Variants in NRDE2 observed in about 807,000 individuals in gnomAD.
NRDE2 encodes the protein NRDE-2, necessary for RNA interference, domain containing, also known as nuclear exosome regulator NRDE2.
A neutral mutation model predicts 124.2 loss-of-function variants in NRDE2; 76 were observed. That is an observed-to-expected ratio of 0.61 (90% CI 0.51 to 0.74). The LOEUF is 0.74. Ranked by LOEUF, NRDE2 falls within the 30% of genes least tolerant of loss-of-function variation. The probability of loss-of-function intolerance (pLI) is 0.00; values close to 1 mark genes in which losing one functional copy is unlikely to be tolerated. For synonymous variants in NRDE2, 489 were observed against 528.1 expected, an observed-to-expected ratio of 0.93 and a Z score of 1.01; for missense variants, 1,314 against 1,417.3, an observed-to-expected ratio of 0.93 and a Z score of 1.17.
At position 90,304,062 on chromosome 14, in the gene NRDE2, G is replaced by C; in HGVS notation, c.878C>G (p.Ser293Ter). The C allele has an allele frequency of 2.5e-6, 4 of 1,614,188 alleles. No homozygotes were observed. The highest frequency in any genetic ancestry group is 3.4e-6 in the Non-Finnish European group (4 of 1,180,016). Residue 293 changes from serine to a stop codon, truncating the protein, a stop_gained, in exon 5 of 14, where the codon TCA becomes TGA. Coordinates refer to ENST00000354366, the MANE Select transcript of NRDE2 (RefSeq NM_017970.4). LOFTEE classifies it high-confidence loss of function. ...GTCTGGCTGTGCGTCTGGCTGCTTT[G>C]ATTCCTGCTCTGGAGGACCCTGTCC... is the stretch of plus-strand genomic sequence containing the variant. ...LQGQGPPEQE[S>*]KQPDAQPDSE... is the part of the protein sequence containing the mutation.
rs771970071 is a variant in NRDE2 at position 90,269,594 on chromosome 14, A to G, written c.*8742T>C. 1 of 1,588,470 alleles carries G rather than the reference A, an allele frequency of 6.3e-7. No individual in the cohort carries two copies. The highest frequency in any genetic ancestry group is 8.6e-7 in the Non-Finnish European group (1 of 1,162,628). ...ATCATGGAGATTAATGTGTTTATATATTTGTGTTTAAGTGTGCTTTGGGAG... is the reference window on the plus strand; with the variant it reads ...ATCATGGAGATTAATGTGTTTATATGTTTGTGTTTAAGTGTGCTTTGGGAG... On this transcript the variant is annotated 3_prime_UTR_variant, in exon 14 of 14. Coordinates refer to ENST00000354366, the MANE Select transcript of NRDE2 (RefSeq NM_017970.4).
Position 90,272,238 on chromosome 14 carries a change from A to G in NRDE2, c.*6098T>C. 6.3e-7 allele frequency: 1 copy of G among 1,597,526 alleles called. No homozygotes were observed. The highest frequency in any genetic ancestry group is 8.5e-7 in the Non-Finnish European group (1 of 1,176,040). On this transcript the variant is annotated 3_prime_UTR_variant, in exon 14 of 14. Coordinates refer to ENST00000354366, the MANE Select transcript of NRDE2 (RefSeq NM_017970.4). This position sits in a 1 kb window ranked among gnomAD's most constrained non-coding sequence, Gnocchi z 4.5. Reference sequence around the variant, plus strand: ...ATTCCTTGTTAGAATAAAAATGAGTATGTCACTTTCTGAACACACTCTTCT... The same window carrying G: ...ATTCCTTGTTAGAATAAAAATGAGTGTGTCACTTTCTGAACACACTCTTCT...
At chr14:90,317,909 C>A (rs1056218117) in intron 2 of NRDE2, 96 bp downstream of exon 2, 1 of 779,526 alleles carries the variant, frequency 1.3e-6, no homozygotes, top group South Asian at 1.8e-5. Context: ...GTTTTACATA[C>A]CTCTTTTATT....
chr14:90,288,622 A>G lies in NRDE2; in HGVS notation c.2753T>C (p.Ile918Thr). The G allele has an allele frequency of 5.0e-6, 8 of 1,614,132 alleles. 1 individual carries two copies. Among genetic ancestry groups the G allele is most frequent in the South Asian group, 3.3e-5 (3 of 91,088 alleles). The stretch of plus-strand genomic sequence containing the variant: ...TATCTGCACAGCAGCATCAATCCCT[A>G]TGGTCAAATACTGGAAGAGCATGAA... ...KCFMLFQYLTIGIDAAVQIYE... is the reference protein window; with the variant it reads ...KCFMLFQYLTTGIDAAVQIYE... The change falls in exon 11 of 14, where the codon ATA becomes ACA. Residue 918 changes from isoleucine (I) to threonine (T), a missense_variant. By Grantham distance (89) the Ile-to-Thr change is moderately conservative. Transcript: ENST00000354366.
chr14:90,317,216 C>T (rs1885077252), intron 2 of NRDE2, among the ~76,000 whole-genome samples: 1 of 152,052 alleles, frequency 6.6e-6, no homozygotes, highest in South Asian at 2.1e-4. Context: ...GAGTTTGAGA[C>T]AAGCCTGGGC....
At chr14:90,293,314 A>G (rs1892325881) in intron 8 of NRDE2, among the ~76,000 whole-genome samples, 1 of 152,010 alleles carries the variant, frequency 6.6e-6, no homozygotes, top group Admixed American at 6.5e-5. Context: ...ACAGTGGCAC[A>G]ATCTCTGCAC....
rs752962048 is a variant in NRDE2 at position 90,292,872 on chromosome 14, T to C, written c.1667A>G (p.Asp556Gly). The change falls in exon 9 of 14, where the codon GAT (aspartate) becomes GGT (glycine). Residue 556 changes from aspartate (D) to glycine (G), a missense_variant and splice_region_variant. Asp to Gly is a moderately conservative substitution (Grantham distance 94, BLOSUM62 -1). Transcript: ENST00000354366. The stretch of plus-strand genomic sequence containing the variant: ...CTCTTCTGGTTCATCGTCATCCTCA[T>C]CTAGACAAGAATGAGACTTCTTCAC... ...ERGGWVVINP[D>G]EDDDEPEEDD... The C allele has an allele frequency of 1.2e-6, 2 of 1,612,124 alleles. No individual in the cohort carries two copies. Among genetic ancestry groups the C allele is most frequent in the Non-Finnish European group, 1.7e-6 (2 of 1,178,572 alleles).
chr14:90,302,705 T>C lies in NRDE2; in HGVS notation c.1411+15A>G, dbSNP rs747262171. The C allele has an allele frequency of 1.9e-6, 3 of 1,556,240 alleles. No homozygotes were observed. Among genetic ancestry groups the C allele is most frequent in the Non-Finnish European group, 2.6e-6 (3 of 1,151,728 alleles). On this transcript the variant is annotated intron_variant, in intron 6 of 13. Coordinates refer to ENST00000354366, the MANE Select transcript of NRDE2 (RefSeq NM_017970.4). Reference sequence around the variant, plus strand: ...CTAACTCCTCCCACGTAACTGGATCTGGTTATCTCCTTACCAAACATGGCC... The same window carrying C: ...CTAACTCCTCCCACGTAACTGGATCCGGTTATCTCCTTACCAAACATGGCC...
At chr14:90,320,738 T>G (rs1007775086) in intron 1 of NRDE2, among the ~76,000 whole-genome samples, 1 of 152,216 alleles carries the variant, frequency 6.6e-6, no homozygotes, top group African/African-American at 2.4e-5. Context: ...AGGTTCCAAC[T>G]TAAGTGCCTA....
In NRDE2 at chr14:90,274,838, A is replaced by ACACCCCCCCC. The variant is rs1491397403; in HGVS notation, c.*3497_*3498insGGGGGGGGTG. 3 of 67,184 alleles carry ACACCCCCCCC rather than the reference A, an allele frequency of 4.5e-5. No individual in the cohort carries two copies. The highest frequency in any genetic ancestry group is 9.6e-5 in the Non-Finnish European group (3 of 31,318). 4.2% of individuals were successfully genotyped at this position (67,184 alleles called of 1,614,324 possible). On this transcript the variant is annotated 3_prime_UTR_variant, in exon 14 of 14. Coordinates refer to ENST00000354366, the MANE Select transcript of NRDE2 (RefSeq NM_017970.4). ...CACACACACACACACACACACACAC[A>ACACCCCCCCC]CCCCAATACATATGAATTGATCTGA...
intron 1 of NRDE2, among the ~76,000 whole-genome samples, chr14:90,321,563 A>G (rs1885242709): frequency 6.6e-6 from 1 of 151,608 alleles, no homozygotes; most frequent in African/African-American, 2.4e-5. Flanking sequence ...AAAAAAAAAA[A>G]AAAAAGAAAA....
Position 90,276,109 on chromosome 14 carries a change from G to GT in NRDE2, c.*2226dup, listed in dbSNP as rs1891797136. 1.3e-5 allele frequency: 2 copies of GT among 151,846 alleles called. No individual in the cohort carries two copies. The highest frequency in any genetic ancestry group is 2.1e-4 in the South Asian group (1 of 4,822). 9.4% of individuals were successfully genotyped at this position (151,846 alleles called of 1,614,324 possible). A position where few individuals can be genotyped will look rare whatever the true frequency, so the allele number is the denominator to read the frequency against. ...TTCCTGATGAAACACATGAGCCACT[G>GT]TTTGACTCCAGCTGGGAACCCCCTT... On this transcript the variant is annotated 3_prime_UTR_variant, in exon 14 of 14. Transcript: ENST00000354366.
rs762211929 is a variant in NRDE2 at position 90,331,939 on chromosome 14, G to A, written c.-35C>T. 2 of 1,612,512 alleles carry A rather than the reference G, an allele frequency of 1.2e-6. No homozygotes were observed. The highest frequency in any genetic ancestry group is 2.2e-5 in the East Asian group (1 of 44,862). ...CCGTACCTCCGTTCTTCTCTATAGG[G>A]ATGGCGCCGGCGAGCGAGCGCCGGT... On this transcript the variant is annotated 5_prime_UTR_variant, in exon 1 of 14. Transcript: ENST00000354366.
chr14:90,306,204 C>T (rs1884595322), intron 4 of NRDE2, among the ~76,000 whole-genome samples: 1 of 152,170 alleles, frequency 6.6e-6, no homozygotes, highest in East Asian at 1.9e-4. Flanking sequence ...CAGGGGAGAA[C>T]TGCCTTCATC....
At chr14:90,314,297 C>G (rs1884961396) in intron 3 of NRDE2, among the ~76,000 whole-genome samples, 1 of 152,216 alleles carries the variant, frequency 6.6e-6, no homozygotes, top group Admixed American at 6.5e-5. Flanking sequence ...GAAAGACTCT[C>G]ACAATTCACT....
intron 8 of NRDE2, among the ~76,000 whole-genome samples, chr14:90,293,433 A>G (rs1468780101): frequency 6.6e-6 from 1 of 151,566 alleles, no homozygotes; most frequent in Non-Finnish European, 1.5e-5. Context: ...TGTATTTGGT[A>G]GAGATGGGGT....
chr14:90,298,463 A>C (rs981600792), intron 7 of NRDE2, 83 bp from the exon 8 acceptor site: 2 of 1,354,368 alleles, frequency 1.5e-6, no homozygotes, highest in Non-Finnish European at 2.1e-6. Flanking sequence ...TGGTGGATAT[A>C]AGAGAAGCTT....
chr14:90,314,967 C>T (rs369802697), intron 3 of NRDE2, among the ~76,000 whole-genome samples: 6 of 151,264 alleles, frequency 4.0e-5, no homozygotes, highest in South Asian at 2.1e-4. Context: ...GTCAGGAGAT[C>T]GGAGATCGAG....
At chr14:90,303,879 T>G in intron 5 of NRDE2, 56 bp downstream of exon 5, 5 of 1,495,170 alleles carry the variant, frequency 3.3e-6, no homozygotes, top group Non-Finnish European at 4.5e-6. Context: ...TCCATCAGTT[T>G]GCCCAAAATC....
Sources: allele counts gnomAD v4.1 joint callset (sites outside exome capture counted in the v4.1 genomes callset), GRCh38; gene constraint gnomAD v4.1.1; non-coding constraint Gnocchi (gnomAD v3.1); transcripts MANE v1.5; gene names NCBI Gene and HGNC (gene_info 2026-07-23, HGNC 2026-07-21).